Variants in BMP7 observed in about 807,000 individuals in gnomAD.
The protein encoded by BMP7 is osteogenic protein 1.
A neutral mutation model predicts 41.2 loss-of-function variants in BMP7; 12 were observed. The observed-to-expected ratio is 0.29, with a 90% confidence interval of 0.19 to 0.47. BMP7 has a LOEUF of 0.47. Ranked by LOEUF, BMP7 falls within the 20% of genes least tolerant of loss-of-function variation. BMP7 has a pLI of 0.99. For synonymous variants in BMP7, 248 were observed against 250.0 expected (o/e 0.99, Z 0.07); for missense variants, 467 against 606.0 (o/e 0.77, Z 2.41).
intron 3 of BMP7, among the ~76,000 whole-genome samples, chr20:57,194,011 C>T (rs551081370): frequency 1.3e-5 from 2 of 152,310 alleles, no homozygotes; most frequent in African/African-American, 4.8e-5. Flanking sequence ...GACCTTCCTC[C>T]GTCCATGAAC....
chr20:57,176,514 G>A (rs1983925305), intron 4 of BMP7, among the ~76,000 whole-genome samples: 1 of 152,076 alleles, frequency 6.6e-6, no homozygotes, highest in Non-Finnish European at 1.5e-5. Flanking sequence ...GTAGACCCTG[G>A]AGCACAGTCA....
rs1048616129 is a variant in BMP7 at position 57,219,169 on chromosome 20, G to A, written c.611+9060C>T. 6.0e-4 allele frequency among the ~76,000 whole-genome samples: 82 copies of A among 136,046 alleles called. No homozygotes were observed. The Middle Eastern group carries it at 0.01, about 17-fold the overall frequency. 89.3% of individuals were successfully genotyped at this position (136,046 alleles called of 152,430 possible). On this transcript the variant is annotated intron_variant, in intron 2 of 6. Transcript: ENST00000395863. ...AGCTGGTGTTCAGTGGTAGCTGTTCGGTGGTAGCTGGTGTTTGTTCAGTGG... is the reference window on the plus strand; with the variant it reads ...AGCTGGTGTTCAGTGGTAGCTGTTCAGTGGTAGCTGGTGTTTGTTCAGTGG...
chr20:57,177,557 A>G (rs1334437043), intron 4 of BMP7: 2 of 152,212 alleles, frequency 1.3e-5, no homozygotes, highest in African/African-American at 4.8e-5. Context: ...CATGTTGGCC[A>G]GGCTGGTCAC....
intron 2 of BMP7, among the ~76,000 whole-genome samples, chr20:57,216,591 C>CGAGGGGCTGTCTCCTGAGGGT (rs1222000278): frequency 4.5e-5 from 6 of 133,968 alleles, no homozygotes; most frequent in African/African-American, 7.3e-5. Context: ...CTCTTGAGGG[C>CGAGGGGCTGTCTCCTGAGGGT]GAGGGGCTGT....
chr20:57,177,840 GGGT>G (rs1187361178), intron 4 of BMP7: 1 of 152,218 alleles, frequency 6.6e-6, no homozygotes, highest in Non-Finnish European at 1.5e-5. Flanking sequence ...GCTTGCCCCT[GGGT>G]GCCCTGCCCT....
chr20:57,172,916 C>A, intron 6 of BMP7: 1 of 600,962 alleles, frequency 1.7e-6, no homozygotes, highest in Non-Finnish European at 3.0e-6. Context: ...CCAGCACCCA[C>A]AATACTACAA....
chr20:57,237,866 C>T (rs924885679), intron 1 of BMP7, among the ~76,000 whole-genome samples: 2 of 152,236 alleles, frequency 1.3e-5, no homozygotes, highest in Admixed American at 6.5e-5. Context: ...TTCATAGAAG[C>T]TCACTTAGAT....
intron 1 of BMP7, among the ~76,000 whole-genome samples, chr20:57,256,743 C>T (rs1291731889): frequency 6.6e-6 from 1 of 152,066 alleles, no homozygotes; most frequent in African/African-American, 2.4e-5. Flanking sequence ...CAAAAATTAG[C>T]TGGGCGTGGT....
rs1044997528 is a variant in BMP7, at chr20:57,169,551, A to G, written c.*1408T>C. ...ACATCCTGCACCCATCAGACCTCCT[A>G]TTATGCCATCTCCCCCTTAATTCAA... On this transcript the variant is annotated 3_prime_UTR_variant, in exon 7 of 7. Transcript: ENST00000395863. 6.6e-6 allele frequency: 1 copy of G among 152,196 alleles called. No homozygotes were observed. The highest frequency in any genetic ancestry group is 1.5e-5 in the Non-Finnish European group (1 of 68,036). 9.4% of individuals were successfully genotyped at this position (152,196 alleles called of 1,614,324 possible).
At chr20:57,252,121 C>T (rs1385095482) in intron 1 of BMP7, among the ~76,000 whole-genome samples, 1 of 152,144 alleles carries the variant, frequency 6.6e-6, no homozygotes, top group Non-Finnish European at 1.5e-5. Context: ...GGCAGTAAAG[C>T]AGTCAGAGTG....
intron 1 of BMP7, among the ~76,000 whole-genome samples, chr20:57,254,484 T>C (rs1372910565): frequency 1.3e-5 from 2 of 152,074 alleles, no homozygotes. Flanking sequence ...ATTACTGCAA[T>C]GTGTATGAAC....
At chr20:57,254,126 G>A (rs370099060) in intron 1 of BMP7, among the ~76,000 whole-genome samples, 7 of 145,762 alleles carry the variant, frequency 4.8e-5, no homozygotes, top group Admixed American at 7.1e-5. Flanking sequence ...GGGTTCAAGC[G>A]ATTCTCTTGC....
At chr20:57,183,385 G>T (rs546973184) in intron 4 of BMP7, among the ~76,000 whole-genome samples, 1 of 828 alleles carries the variant, frequency 1.2e-3, no homozygotes, top group East Asian at 0.071. Context: ...CTTCCATGGG[G>T]TAAGCCCCCC....
chr20:57,250,256 C>A (rs537150842), intron 1 of BMP7, among the ~76,000 whole-genome samples: 144 of 148,048 alleles, frequency 9.7e-4, no homozygotes, highest in African/African-American at 3.6e-3. Flanking sequence ...CATGGTGAAA[C>A]CCAATTTCTA....
chr20:57,204,505 G>T (rs1600621994), intron 2 of BMP7, among the ~76,000 whole-genome samples: 1 of 152,264 alleles, frequency 6.6e-6, no homozygotes, highest in African/African-American at 2.4e-5. Flanking sequence ...ACACAGGGAA[G>T]AAGAACCAGG....
At chr20:57,179,646 G>T (rs1254706022) in intron 4 of BMP7, among the ~76,000 whole-genome samples, 2 of 152,262 alleles carry the variant, frequency 1.3e-5, no homozygotes, top group African/African-American at 2.4e-5. Flanking sequence ...TGGCTCCACG[G>T]CAGGGCTCCA....
At chr20:57,254,654 AAAAAAAC>A (rs1276382169) in intron 1 of BMP7, among the ~76,000 whole-genome samples, 1 of 151,972 alleles carries the variant, frequency 6.6e-6, no homozygotes. Context: ...CAGTAAAAAA[AAAAAAAC>A]AAAAAACAAA....
intron 2 of BMP7, among the ~76,000 whole-genome samples, chr20:57,225,421 G>A (rs944544489): frequency 6.6e-6 from 1 of 152,136 alleles, no homozygotes; most frequent in East Asian, 1.9e-4. Flanking sequence ...TGATACTAAC[G>A]CAGGTGACCA....
intron 4 of BMP7, among the ~76,000 whole-genome samples, chr20:57,176,789 C>CACACACACACA (rs1395553513): frequency 6.6e-6 from 1 of 150,868 alleles, no homozygotes; most frequent in African/African-American, 2.4e-5. Flanking sequence ...CACACACACA[C>CACACACACACA]ACCTGTTAAC....
Sources: gnomAD v4.1 joint callset for allele counts (sites outside exome capture counted in the v4.1 genomes callset) on GRCh38, gnomAD v4.1.1 for gene constraint, MANE v1.5 for transcripts, NCBI Gene and HGNC (gene_info 2026-07-23, HGNC 2026-07-21) for gene names.